Variants in MROH1 observed in about 807,000 individuals in gnomAD.
The protein encoded by MROH1 is maestro heat like repeat family member 1.
In MROH1, 117 loss-of-function variants were observed where a neutral mutation model predicts 116.5. The observed-to-expected ratio is 1.00, with a 90% confidence interval of 0.86 to 1.17. The LOEUF (loss-of-function observed/expected upper bound fraction) is 1.17. MROH1 is among the 50% of genes most tolerant of loss of function. The probability of loss-of-function intolerance (pLI) is 0.00; values close to 1 mark genes in which losing one functional copy is unlikely to be tolerated. For missense variants in MROH1, 1,873 were observed against 1,338.5 expected (o/e 1.40, Z -6.23); for synonymous variants, 921 against 583.9 (o/e 1.58, Z -8.32).
intron 12 of MROH1, among the ~76,000 whole-genome samples, chr8:144,212,579 A>C (rs1167431434): frequency 6.3e-5 from 5 of 79,326 alleles, no homozygotes; most frequent in East Asian, 4.5e-4. Context: ...CTCTTCTGTT[A>C]CTTTTTTTTT....
At chr8:144,191,603 C>T in intron 8 of MROH1, 112 bp from the exon 9 acceptor site, 2 of 1,384,382 alleles carry the variant, frequency 1.4e-6, no homozygotes, top group East Asian at 2.5e-5. Context: ...CCCGTAGCAC[C>T]CACTGGTAGC....
chr8:144,234,618 G>A (rs1307524815), intron 14 of MROH1, among the ~76,000 whole-genome samples: 3 of 131,096 alleles, frequency 2.3e-5, no homozygotes, highest in African/African-American at 5.7e-5. Flanking sequence ...CTGAGTTCAA[G>A]CAATTCTCCT....
chr8:144,236,312 T>G (rs1008502303), intron 14 of MROH1, among the ~76,000 whole-genome samples: 21 of 152,098 alleles, frequency 1.4e-4, no homozygotes, highest in African/African-American at 4.8e-4. Flanking sequence ...GTTTCAGTGT[T>G]GATCTTGTTA....
intron 14 of MROH1, among the ~76,000 whole-genome samples, chr8:144,229,724 G>C (rs1294372097): frequency 6.6e-6 from 1 of 151,822 alleles, no homozygotes; most frequent in East Asian, 1.9e-4. Context: ...CAGCAATAAG[G>C]CTTTTTTGTT....
At chr8:144,201,882 G>A (rs557636087) in intron 12 of MROH1, among the ~76,000 whole-genome samples, 2 of 152,200 alleles carry the variant, frequency 1.3e-5, no homozygotes, top group East Asian at 1.9e-4. Context: ...TTAGCCTGGC[G>A]TGGTGGCGGG....
chr8:144,222,916 G>A (rs971919198), intron 13 of MROH1, among the ~76,000 whole-genome samples, 192 bp from the exon 14 acceptor site: 9 of 151,872 alleles, frequency 5.9e-5, no homozygotes, highest in Non-Finnish European at 1.0e-4. Flanking sequence ...AGATGTGGAG[G>A]TAGGTCCAGG....
At chr8:144,202,625 TG>T (rs1564464847) in intron 12 of MROH1, among the ~76,000 whole-genome samples, 3 of 8,250 alleles carry the variant, frequency 3.6e-4, no homozygotes, top group African/African-American at 7.4e-4. Flanking sequence ...TGTGGAGGGG[TG>T]GGGAGGGGAG....
intron 3 of MROH1, among the ~76,000 whole-genome samples, chr8:144,166,068 A>G (rs1472681894): frequency 6.6e-6 from 1 of 151,146 alleles, no homozygotes; most frequent in Non-Finnish European, 1.5e-5. Flanking sequence ...TAGTAGAGAT[A>G]TGGTTTCACC....
rs1841166565 is a variant in MROH1, at chr8:144,242,429, G to A, written c.2239G>A (p.Val747Met). Residue 747 changes from valine to methionine, a missense_variant, in exon 23 of 44, where the codon GTG (valine) becomes ATG (methionine). By Grantham distance (21) the Val-to-Met change is conservative. Coordinates refer to ENST00000326134, the MANE Select transcript of MROH1 (RefSeq NM_032450.3). ...TGCTCTGATCCTGTGCTATGGGCAC[G>A]TGGCGGCCCGGGCCCCCCGGGAGCT... ...KSALILCYGH[V>M]AARAPRELVL... 36 of 780,724 alleles carry A rather than the reference G, an allele frequency of 4.6e-5. 1 individual carries two copies. Among genetic ancestry groups the A allele is most frequent in the South Asian group, 4.2e-4 (31 of 74,618 alleles). The allele number at this position is 780,724 out of a possible 1,614,324, so 48.4% of individuals were successfully genotyped here.
At chr8:144,256,286 G>A (rs1554832993) in intron 35 of MROH1, among the ~76,000 whole-genome samples, 1 of 152,130 alleles carries the variant, frequency 6.6e-6, no homozygotes, top group African/African-American at 2.4e-5. Context: ...TGAACGCAGG[G>A]CTGCCATGCC....
At chr8:144,157,997 T>TC (rs1279396329) in intron 1 of MROH1, among the ~76,000 whole-genome samples, 3 of 139,886 alleles carry the variant, frequency 2.1e-5, no homozygotes, top group Non-Finnish European at 4.6e-5. Context: ...TTCTTTTTTT[T>TC]TTTTTTTTTT....
chr8:144,154,851 C>G (rs1213215686), intron 1 of MROH1, among the ~76,000 whole-genome samples: 1 of 151,190 alleles, frequency 6.6e-6, no homozygotes, highest in African/African-American at 2.4e-5. Context: ...AGATGGCTTG[C>G]TCTGTGGCCC....
intron 7 of MROH1, among the ~76,000 whole-genome samples, chr8:144,188,171 CAAATT>C (rs773396469): frequency 2.0e-4 from 31 of 152,248 alleles, no homozygotes; most frequent in Middle Eastern, 3.4e-3. Context: ...TTTGACATGA[CAAATT>C]AAAGGAATTT....
intron 1 of MROH1, among the ~76,000 whole-genome samples, chr8:144,151,163 G>T (rs1194030401): frequency 6.8e-6 from 1 of 147,032 alleles, no homozygotes; most frequent in South Asian, 2.1e-4. Context: ...CAGGAGAATC[G>T]CTTGAACCTG....
intron 33 of MROH1, chr8:144,254,565 G>C (rs967840896): frequency 0.034 from 17,167 of 510,308 alleles, 437 homozygotes; most frequent in African/African-American, 0.062. Context: ...CCACTGCCCT[G>C]GGCCCTGTGT....
At chr8:144,162,904 G>A (rs1018441808) in intron 2 of MROH1, among the ~76,000 whole-genome samples, 12 of 151,556 alleles carry the variant, frequency 7.9e-5, no homozygotes, top group African/African-American at 2.4e-4. Context: ...TGTGTTTTTA[G>A]TAGAGACAGA....
At chr8:144,213,556 A>G in intron 12 of MROH1, 1 of 153,782 alleles carries the variant, frequency 6.5e-6, no homozygotes. Flanking sequence ...TGGGAGGCCA[A>G]GGCAGGCAGA....
intron 36 of MROH1, among the ~76,000 whole-genome samples, 155 bp from the exon 37 acceptor site, chr8:144,259,085 C>G (rs1283347810): frequency 6.6e-6 from 1 of 152,170 alleles, no homozygotes; most frequent in African/African-American, 2.4e-5. Flanking sequence ...CTGCAGAGGC[C>G]TGGCGAGGCA....
chr8:144,174,484 T>C (rs1823309675), intron 4 of MROH1, among the ~76,000 whole-genome samples: 1 of 151,050 alleles, frequency 6.6e-6, no homozygotes, highest in African/African-American at 2.4e-5. Context: ...ATAACCTTTT[T>C]TTTTTTTTTT....
Sources: allele counts gnomAD v4.1 joint callset (sites outside exome capture counted in the v4.1 genomes callset), GRCh38; gene constraint gnomAD v4.1.1; transcripts MANE v1.5; gene names NCBI Gene and HGNC (gene_info 2026-07-23, HGNC 2026-07-21).